The following ARHGAP15 variants were observed in gnomAD, a reference collection of about 807,000 sequenced individuals.
The protein encoded by ARHGAP15 is rho GTPase-activating protein 15.
Under a neutral mutation model 63.7 loss-of-function variants are expected in ARHGAP15, and 51 were observed. The observed-to-expected ratio is 0.80, with a 90% CI of 0.64 to 1.01. The LOEUF (loss-of-function observed/expected upper bound fraction) is 1.01. Ranked by LOEUF, ARHGAP15 falls within the 50% of genes least tolerant of loss-of-function variation. The pLI is 0.00. For synonymous variants in ARHGAP15, 191 were observed against 193.8 expected, an observed-to-expected ratio of 0.99 and a Z score of 0.12; for missense variants, 560 against 564.6, an observed-to-expected ratio of 0.99 and a Z score of 0.08.
intron 11 of ARHGAP15, among the ~76,000 whole-genome samples, chr2:143,600,353 T>A (rs970497557): frequency 1.3e-5 from 2 of 152,156 alleles, no homozygotes; most frequent in Non-Finnish European, 2.9e-5. Context: ...ACATACTGTA[T>A]TTCTTCCATG....
chr2:143,688,463 A>G lies in ARHGAP15; in HGVS notation c.1139-14956A>G, dbSNP rs532017135. The stretch of plus-strand genomic sequence containing the variant: ...ATCAAGGGTGGACCACAAGAAAGGC[A>G]TTTCCTGTCACCAAGAGCTAAGTGG... On this transcript the variant is annotated intron_variant, in intron 12 of 13. Coordinates refer to ENST00000295095, the MANE Select transcript of ARHGAP15 (RefSeq NM_018460.4). Among the ~76,000 whole-genome samples the G allele has an allele frequency of 1.1e-4, 17 of 152,310 alleles. No homozygotes were observed. In the East Asian group the frequency reaches 2.5e-3, roughly 22 times the overall value.
intron 6 of ARHGAP15, among the ~76,000 whole-genome samples, chr2:143,327,317 C>T (rs563126890): frequency 1.7e-4 from 26 of 152,164 alleles, no homozygotes; most frequent in Admixed American, 4.6e-4. Context: ...AATTGCTGTA[C>T]GGCCCAAAGT....
chr2:143,565,771 AT>A (rs1390444466), intron 11 of ARHGAP15, among the ~76,000 whole-genome samples: 1 of 152,204 alleles, frequency 6.6e-6, no homozygotes, highest in Non-Finnish European at 1.5e-5. Flanking sequence ...AAATAGTGGT[AT>A]AACTTGGCAT....
intron 10 of ARHGAP15, among the ~76,000 whole-genome samples, chr2:143,546,105 A>C (rs1695316900): frequency 1.3e-5 from 2 of 152,204 alleles, no homozygotes; most frequent in East Asian, 3.8e-4. Flanking sequence ...AAGCCAAGCC[A>C]AAAATTACAG....
intron 8 of ARHGAP15, among the ~76,000 whole-genome samples, chr2:143,459,334 G>A (rs776547616): frequency 6.6e-6 from 1 of 151,916 alleles, no homozygotes; most frequent in Non-Finnish European, 1.5e-5. Flanking sequence ...CTGGTTAAAT[G>A]GGGGGTGGGG....
chr2:143,249,382 T>A (rs911562613), intron 5 of ARHGAP15, among the ~76,000 whole-genome samples: 3 of 152,150 alleles, frequency 2.0e-5, no homozygotes, highest in Non-Finnish European at 4.4e-5. Flanking sequence ...TTGGATATAA[T>A]GGCTAAGAGG....
intron 2 of ARHGAP15, among the ~76,000 whole-genome samples, chr2:143,156,405 C>A (rs1249227687): frequency 1.3e-5 from 2 of 151,754 alleles, no homozygotes; most frequent in East Asian, 3.9e-4. Context: ...CTTTTGGACC[C>A]CAGATCTATT....
intron 13 of ARHGAP15, among the ~76,000 whole-genome samples, chr2:143,716,072 C>CT (rs1197947819): frequency 6.6e-6 from 1 of 152,056 alleles, no homozygotes; most frequent in Non-Finnish European, 1.5e-5. Flanking sequence ...GGCTGTTGGG[C>CT]TTAATACATA....
At chr2:143,132,441 G>A (rs995633392) in intron 1 of ARHGAP15, among the ~76,000 whole-genome samples, 3 of 152,192 alleles carry the variant, frequency 2.0e-5, no homozygotes, top group Admixed American at 2.0e-4. Context: ...AAGCTCTCAC[G>A]AAATTGTCAA....
intron 12 of ARHGAP15, among the ~76,000 whole-genome samples, chr2:143,678,304 C>T (rs1682927055): frequency 6.6e-6 from 1 of 152,114 alleles, no homozygotes; most frequent in African/African-American, 2.4e-5. Context: ...TCTTTTAGAC[C>T]AAGCTTAACT....
chr2:143,634,768 C>A (rs1004313532), intron 12 of ARHGAP15, among the ~76,000 whole-genome samples: 5 of 152,108 alleles, frequency 3.3e-5, no homozygotes, highest in African/African-American at 1.2e-4. Context: ...ATCCCATTTC[C>A]TTCATCTCAT....
chr2:143,609,251 T>C (rs890219379), intron 11 of ARHGAP15, among the ~76,000 whole-genome samples: 2 of 152,230 alleles, frequency 1.3e-5, no homozygotes, highest in African/African-American at 4.8e-5. Context: ...ACAACTCTAC[T>C]GGCTCAATTC....
At chr2:143,281,162 G>T (rs1372262024) in intron 6 of ARHGAP15, among the ~76,000 whole-genome samples, 4 of 152,226 alleles carry the variant, frequency 2.6e-5, no homozygotes, top group Non-Finnish European at 5.9e-5. Context: ...CAGGCCCAGA[G>T]CTAGGGCGAT....
At chr2:143,149,970 T>G (rs1689750414) in intron 1 of ARHGAP15, among the ~76,000 whole-genome samples, 1 of 152,074 alleles carries the variant, frequency 6.6e-6, no homozygotes, top group Admixed American at 6.6e-5. Context: ...AGATTTTCTT[T>G]ACATTTCTTG....
intron 3 of ARHGAP15, among the ~76,000 whole-genome samples, chr2:143,203,875 T>A (rs1319212616): frequency 6.6e-6 from 1 of 152,156 alleles, no homozygotes; most frequent in East Asian, 1.9e-4. Flanking sequence ...GACCACAGCT[T>A]TGAACTTCAG....
chr2:143,722,517 T>C (rs572149911), intron 13 of ARHGAP15, among the ~76,000 whole-genome samples: 21 of 152,224 alleles, frequency 1.4e-4, no homozygotes, highest in East Asian at 9.7e-4. Context: ...TTCCATACTA[T>C]ACGCAGGAAA....
At chr2:143,528,084 T>C (rs1694359896) in intron 10 of ARHGAP15, among the ~76,000 whole-genome samples, 1 of 152,110 alleles carries the variant, frequency 6.6e-6, no homozygotes, top group African/African-American at 2.4e-5. Context: ...GGATACTCCA[T>C]TTAAGTTAAC....
At chr2:143,659,302 G>A (rs1248447729) in intron 12 of ARHGAP15, among the ~76,000 whole-genome samples, 1 of 152,140 alleles carries the variant, frequency 6.6e-6, no homozygotes, top group Non-Finnish European at 1.5e-5. Flanking sequence ...GGCATAGGGG[G>A]TGATGGACAT....
intron 8 of ARHGAP15, among the ~76,000 whole-genome samples, chr2:143,478,086 G>C (rs1574504034): frequency 6.6e-6 from 1 of 152,192 alleles, no homozygotes; most frequent in African/African-American, 2.4e-5. Flanking sequence ...CTCTCCTTCT[G>C]TGTTCATTGT....
Sources: gnomAD v4.1 joint callset for allele counts (sites outside exome capture counted in the v4.1 genomes callset) on GRCh38, gnomAD v4.1.1 for gene constraint, MANE v1.5 for transcripts, NCBI Gene and HGNC (gene_info 2026-07-23, HGNC 2026-07-21) for gene names.